Variants in CCDC175 observed in about 807,000 individuals in gnomAD.
The protein encoded by CCDC175 is coiled-coil domain containing 175.
CCDC175 carries 100 observed loss-of-function variants against 114.6 expected under a neutral mutation model. That is an observed-to-expected ratio of 0.87 (90% CI 0.74 to 1.03). CCDC175 has a LOEUF of 1.03. CCDC175 is among the 50% of genes least tolerant of loss of function. The pLI is 0.00. For missense variants in CCDC175, 880 were observed against 917.8 expected (o/e 0.96, Z 0.53); for synonymous variants, 306 against 308.7 (o/e 0.99, Z 0.09).
chr14:59,535,943 T>TG (rs1348037296), intron 13 of CCDC175, among the ~76,000 whole-genome samples: 5 of 152,134 alleles, frequency 3.3e-5, no homozygotes, highest in African/African-American at 1.2e-4. Context: ...AGCAAGGAGG[T>TG]GGTACAAGGA....
intron 7 of CCDC175, among the ~76,000 whole-genome samples, chr14:59,555,306 C>A (rs1347834740): frequency 6.6e-6 from 1 of 152,138 alleles, no homozygotes; most frequent in Non-Finnish European, 1.5e-5. Context: ...AAGGCTGGTT[C>A]AACACATGCA....
In CCDC175 at chr14:59,571,642, T is replaced by G. The variant is rs376521963; in HGVS notation, c.355+1060A>C. Among the ~76,000 whole-genome samples the G allele has an allele frequency of 5.9e-5, 9 of 152,240 alleles. No individual in the cohort carries two copies. The East Asian group carries it at 1.4e-3, about 23-fold the overall frequency. On this transcript the variant is annotated intron_variant, in intron 3 of 19. Transcript: ENST00000537690. ...GGAAAATAACAAGTATTGGCAAAGA[T>G]GTAGAGATACTGGAACCCTTGTGCA...
intron 15 of CCDC175, 38 bp from the exon 16 acceptor site, chr14:59,525,472 A>C: frequency 1.4e-6 from 2 of 1,478,176 alleles, no homozygotes; most frequent in African/African-American, 1.4e-5. Flanking sequence ...CTCTGAGTTC[A>C]AACAGTAGGG....
At position 59,522,740 on chromosome 14, in the gene CCDC175, TGA is replaced by T. The variant is rs572480408; in HGVS notation, c.1996-1066_1996-1065del. 9.2e-3 allele frequency among the ~76,000 whole-genome samples: 1,408 copies of T among 152,342 alleles called. 22 individuals are homozygous for T. The highest frequency in any genetic ancestry group is 0.031 in the African/African-American group (1,281 of 41,568). ...CTGCCTCTACATTAATGATACACAG[TGA>T]GAGTTCTCCTTTGTGTTCTTCACCT... On this transcript the variant is annotated intron_variant, in intron 16 of 19. Coordinates refer to ENST00000537690, the MANE Select transcript of CCDC175 (RefSeq NM_001164399.2).
chr14:59,562,259 T>C (rs1896265004), intron 6 of CCDC175, among the ~76,000 whole-genome samples: 1 of 152,146 alleles, frequency 6.6e-6, no homozygotes, highest in African/African-American at 2.4e-5. Context: ...CACATGCTAT[T>C]ATTTTTTCTG....
At chr14:59,566,910 G>A (rs1896582885) in intron 4 of CCDC175, among the ~76,000 whole-genome samples, 1 of 152,146 alleles carries the variant, frequency 6.6e-6, no homozygotes, top group Admixed American at 6.6e-5. Context: ...CTAGAGCAGT[G>A]GTTCTCCCAA....
chr14:59,512,310 C>T (rs543184954), intron 17 of CCDC175, among the ~76,000 whole-genome samples: 1 of 152,368 alleles, frequency 6.6e-6, no homozygotes, highest in South Asian at 2.1e-4. Context: ...AGCTGAGCAT[C>T]TCAGTGGCTG....
At chr14:59,570,688 G>A (rs982346737) in intron 3 of CCDC175, among the ~76,000 whole-genome samples, 1 of 152,108 alleles carries the variant, frequency 6.6e-6, no homozygotes, top group African/African-American at 2.4e-5. Flanking sequence ...ATGAATGCGG[G>A]TGGCAGGCAC....
Position 59,551,409 on chromosome 14 carries a change from T to C in CCDC175, c.981A>G (p.Lys327=), listed in dbSNP as rs747737853. The part of the protein sequence containing the change: ...KLCFFTDNKE[K]LDDISNDEKN... ...TTTCATCATTAGATATATCATCTAG[T>C]TTTTCTTTGTTATCTGTGAAAAAAC... The change falls in exon 8 of 20, where the codon AAA becomes AAG. Residue 327 remains lysine, a synonymous_variant. Coordinates refer to ENST00000537690, the MANE Select transcript of CCDC175 (RefSeq NM_001164399.2). 51 of 1,456,352 alleles carry C rather than the reference T, an allele frequency of 3.5e-5. No homozygotes were observed. Among genetic ancestry groups the C allele is most frequent in the Non-Finnish European group, 4.5e-5 (49 of 1,089,610 alleles). 90.2% of individuals were successfully genotyped at this position (1,456,352 alleles called of 1,614,324 possible).
intron 19 of CCDC175, among the ~76,000 whole-genome samples, chr14:59,506,282 TTTTTTTTTC>T (rs1207425664): frequency 3.1e-4 from 47 of 151,464 alleles, no homozygotes; most frequent in African/African-American, 1.1e-3. Context: ...GGGATTTTTT[TTTTTTTTTC>T]TTTTTTTTTT....
chr14:59,570,596 C>T (rs1273453891), intron 3 of CCDC175, among the ~76,000 whole-genome samples: 1 of 152,066 alleles, frequency 6.6e-6, no homozygotes, highest in Non-Finnish European at 1.5e-5. Context: ...CTGTGATGAG[C>T]TTTGGAGCTA....
intron 8 of CCDC175, among the ~76,000 whole-genome samples, chr14:59,549,094 A>G (rs989471869): frequency 6.6e-6 from 1 of 152,260 alleles, no homozygotes; most frequent in Non-Finnish European, 1.5e-5. Flanking sequence ...TGAAATGCTT[A>G]GTGTAATTAA....
intron 17 of CCDC175, among the ~76,000 whole-genome samples, chr14:59,518,731 T>C (rs1893253759): frequency 6.6e-6 from 1 of 152,162 alleles, no homozygotes; most frequent in African/African-American, 2.4e-5. Flanking sequence ...GACTGTAAAC[T>C]AGTTCAACCA....
chr14:59,525,544 T>A, intron 15 of CCDC175, 110 bp from the exon 16 acceptor site: 1 of 708,840 alleles, frequency 1.4e-6, no homozygotes, highest in Non-Finnish European at 2.2e-6. Context: ...ATTTCTGAAG[T>A]ATCCAGCAGA....
Position 59,538,780 on chromosome 14 carries a change from CT to C in CCDC175, c.1415del (p.Lys472ArgfsTer2), listed in dbSNP as rs1278948760. The C allele has an allele frequency of 5.9e-6, 9 of 1,536,694 alleles. No homozygotes were observed. The highest frequency in any genetic ancestry group is 1.4e-5 in the African/African-American group (1 of 73,022). On this transcript the variant is annotated frameshift_variant, in exon 12 of 20. Transcript: ENST00000537690. LOFTEE classifies it high-confidence loss of function. ...LRKKHARWTA[K>X]IKAEIQAITE... ...TAATAGCTTGTATTTCAGCTTTTAT[CT>C]TGGCTGTCCAACGTGCATGCTTTTT...
intron 7 of CCDC175, among the ~76,000 whole-genome samples, chr14:59,555,508 A>C (rs1258482273): frequency 6.6e-6 from 1 of 152,252 alleles, no homozygotes; most frequent in Non-Finnish European, 1.5e-5. Flanking sequence ...AGCCAATATC[A>C]TACTGAATGG....
intron 5 of CCDC175, chr14:59,564,288 AACC>A: frequency 1.3e-5 from 2 of 153,004 alleles, no homozygotes. Flanking sequence ...TGGGAAATAA[AACC>A]AGCTAAACAC....
At chr14:59,552,052 G>T (rs2140074646) in intron 7 of CCDC175, among the ~76,000 whole-genome samples, 1 of 151,930 alleles carries the variant, frequency 6.6e-6, no homozygotes, top group South Asian at 2.1e-4. Context: ...GCAGGACATA[G>T]CCGAACAAAA....
At position 59,572,783 on chromosome 14, in the gene CCDC175, A is replaced by G. The variant is rs931759362; in HGVS notation, c.274T>C (p.Leu92=). ...TTGAGTTCCATGCTTTCAATCTCCA[A>G]AAGATCGATTGTGGCTTTTCTCATT... The part of the protein sequence containing the change: ...EEMRKATIDL[L]EIESMELNKL... Residue 92 remains leucine, a synonymous_variant, in exon 3 of 20, where the codon TTG becomes CTG. Coordinates refer to ENST00000537690, the MANE Select transcript of CCDC175 (RefSeq NM_001164399.2). 15 of 1,516,758 alleles carry G rather than the reference A, an allele frequency of 9.9e-6. No individual in the cohort carries two copies. In the African/African-American group the frequency reaches 2.1e-4, roughly 21 times the overall value. 94.0% of individuals were successfully genotyped at this position (1,516,758 alleles called of 1,614,324 possible).
Sources: gnomAD v4.1 joint callset for allele counts (sites outside exome capture counted in the v4.1 genomes callset) on GRCh38, gnomAD v4.1.1 for gene constraint, MANE v1.5 for transcripts, NCBI Gene and HGNC (gene_info 2026-07-23, HGNC 2026-07-21) for gene names.